TTC3: variants seen among roughly 807,000 people sequenced by gnomAD.
TTC3 encodes E3 ubiquitin-protein ligase TTC3.
In TTC3, 180 loss-of-function variants were observed where a neutral mutation model predicts 249.6. The observed-to-expected ratio is 0.72, with a 90% CI of 0.64 to 0.82. The LOEUF is 0.82. Ranked by LOEUF, TTC3 falls within the 40% of genes least tolerant of loss-of-function variation. The pLI is 0.00. For synonymous variants in TTC3, 717 were observed against 805.0 expected, an observed-to-expected ratio of 0.89 and a Z score of 1.85; for missense variants, 2,061 against 2,398.4, an observed-to-expected ratio of 0.86 and a Z score of 2.94.
At chr21:37,073,668 C>T (rs75566647) in intron 1 of TTC3, among the ~76,000 whole-genome samples, 195 bp downstream of exon 1, 19,717 of 152,012 alleles carry the variant, frequency 0.13, 1,404 homozygotes, top group Non-Finnish European at 0.15. Context: ...TCCCTTTGTG[C>T]GCAACCCCCC....
intron 23 of TTC3, among the ~76,000 whole-genome samples, chr21:37,149,386 G>T (rs1469625305): frequency 2.6e-5 from 4 of 151,968 alleles, no homozygotes; most frequent in Non-Finnish European, 5.9e-5. Flanking sequence ...CTCACATTTT[G>T]TACATTTTCA....
intron 40 of TTC3, among the ~76,000 whole-genome samples, chr21:37,191,665 G>A (rs1166692035): frequency 6.6e-6 from 1 of 152,038 alleles, no homozygotes; most frequent in Non-Finnish European, 1.5e-5. Flanking sequence ...TGCAACCTCC[G>A]CCTCCCAGGT....
At chr21:37,167,910 C>T (rs2081391727) in intron 34 of TTC3, among the ~76,000 whole-genome samples, 2 of 151,466 alleles carry the variant, frequency 1.3e-5, no homozygotes, top group South Asian at 2.1e-4. Flanking sequence ...TTTTGAGACA[C>T]GGTCTCACTG....
At chr21:37,105,045 G>A (rs2074940941) in intron 10 of TTC3, among the ~76,000 whole-genome samples, 1 of 152,182 alleles carries the variant, frequency 6.6e-6, no homozygotes. Context: ...GACCAGAGAG[G>A]TGGAACAAAG....
At chr21:37,138,763 T>G (rs368763899) in intron 19 of TTC3, 49 bp downstream of exon 19, 1 of 1,287,038 alleles carries the variant, frequency 7.8e-7, no homozygotes, top group African/African-American at 1.5e-5. Context: ...TATTGACATA[T>G]CTTATAAAAA....
In TTC3 at chr21:37,197,573, T is replaced by C. The variant is rs146011177; in HGVS notation, c.5583T>C (p.Thr1861=). ...CATCACTCACTCTCCCTTTCAGCAC[T>C]GAGCTTGCTGGTTTTATTAAAAAAG... The change falls in exon 43 of 46, where the codon ACT becomes ACC. Residue 1861 remains threonine (T), a synonymous_variant. Transcript: ENST00000355666. 2.5e-3 allele frequency: 3,981 copies of C among 1,611,946 alleles called. 6 individuals are homozygous for C. The highest frequency in any genetic ancestry group is 3.8e-3 in the Middle Eastern group (17 of 4,436).
At chr21:37,128,259 C>T (rs903990630) in intron 15 of TTC3, among the ~76,000 whole-genome samples, 1 of 152,196 alleles carries the variant, frequency 6.6e-6, no homozygotes, top group Non-Finnish European at 1.5e-5. Flanking sequence ...ACCAGTTCTT[C>T]TACACAGCTC....
At chr21:37,138,496 A>T (rs142010351) in intron 18 of TTC3, 138 bp from the exon 19 acceptor site, 86 of 604,292 alleles carry the variant, frequency 1.4e-4, no homozygotes, top group African/African-American at 1.3e-3. Flanking sequence ...AATCATATTG[A>T]TTAGTGAGAT....
chr21:37,123,060 A>G (rs200649752), intron 13 of TTC3, 32 bp downstream of exon 13: 456 of 1,606,928 alleles, frequency 2.8e-4, no homozygotes, highest in Non-Finnish European at 3.7e-4. Context: ...AGCTGCTACT[A>G]CTAGGAATGG....
At chr21:37,183,582 C>A (rs962462839) in intron 36 of TTC3, among the ~76,000 whole-genome samples, 1 of 152,142 alleles carries the variant, frequency 6.6e-6, no homozygotes, top group African/African-American at 2.4e-5. Context: ...CTGGGCCATT[C>A]TTCTGCTGGT....
chr21:37,137,928 G>A (rs2078102757), intron 18 of TTC3, among the ~76,000 whole-genome samples: 1 of 152,076 alleles, frequency 6.6e-6, no homozygotes. Flanking sequence ...GAAATACCCA[G>A]TGTAGATGAC....
Position 37,160,731 on chromosome 21 carries a change from A to G in TTC3, c.3040-71A>G, listed in dbSNP as rs1260005739. 3.3e-6 allele frequency: 5 copies of G among 1,506,998 alleles called. No homozygotes were observed. In the South Asian group the frequency reaches 4.7e-5, roughly 14 times the overall value. The allele number at this position is 1,506,998 out of a possible 1,614,324, so 93.4% of individuals were successfully genotyped here. Reference sequence around the variant, plus strand: ...TTATGGCTAGTCTGTAAAAACTCATATGGTTTCTTTATGTTGAGCTTCATA... The same window carrying G: ...TTATGGCTAGTCTGTAAAAACTCATGTGGTTTCTTTATGTTGAGCTTCATA... On this transcript the variant is annotated intron_variant, in intron 29 of 45. Transcript: ENST00000355666.
chr21:37,089,659 G>A (rs1017616163), intron 5 of TTC3, among the ~76,000 whole-genome samples: 19 of 151,936 alleles, frequency 1.3e-4, no homozygotes, highest in African/African-American at 4.6e-4. Context: ...GACTGTAGGC[G>A]CCTGCCACCA....
At chr21:37,144,735 A>G (rs1427742017) in intron 21 of TTC3, 90 bp downstream of exon 21, 4 of 1,469,494 alleles carry the variant, frequency 2.7e-6, no homozygotes, top group African/African-American at 1.4e-5. Flanking sequence ...AGGTAGGAGC[A>G]TTCCATCCCC....
chr21:37,153,113 G>A, exon 27 of TTC3: 1 of 1,613,810 alleles, frequency 6.2e-7, no homozygotes, highest in African/African-American at 1.3e-5. Context: ...TATACAACCT[G>A]TTTTTCTAGC....
At chr21:37,077,052 G>C (rs2070987307) in intron 1 of TTC3, among the ~76,000 whole-genome samples, 2 of 151,416 alleles carry the variant, frequency 1.3e-5, no homozygotes, top group Admixed American at 1.3e-4. Flanking sequence ...TTTTAATCCT[G>C]GCACTTCCCC....
intron 45 of TTC3, among the ~76,000 whole-genome samples, chr21:37,200,781 C>T (rs1303646859): frequency 6.6e-6 from 1 of 152,196 alleles, no homozygotes; most frequent in African/African-American, 2.4e-5. Flanking sequence ...TGTGTGTGAA[C>T]TATCATGGTG....
At position 37,085,126 on chromosome 21, in the gene TTC3, G is replaced by C. The variant is rs1170214437; in HGVS notation, c.-11-2121G>C. On this transcript the variant is annotated intron_variant, in intron 1 of 45. Coordinates refer to ENST00000355666, the Ensembl canonical transcript of TTC3. ...TTGAATGACCAGTATCAGTCTGCCA[G>C]GTATGAGCACATTAATTGTATTGTA... 2.6e-5 allele frequency among the ~76,000 whole-genome samples: 4 copies of C among 152,342 alleles called. No individual in the cohort carries two copies. In the East Asian group the frequency reaches 7.7e-4, roughly 29 times the overall value.
chr21:37,154,220 G>T (rs994544865), intron 27 of TTC3, among the ~76,000 whole-genome samples: 4 of 152,232 alleles, frequency 2.6e-5, no homozygotes, highest in Non-Finnish European at 5.9e-5. Flanking sequence ...CGGGAAAAAG[G>T]CAGGGCCTTT....
Sources: allele counts gnomAD v4.1 joint callset (sites outside exome capture counted in the v4.1 genomes callset), GRCh38; gene constraint gnomAD v4.1.1; transcripts MANE v1.5; gene names NCBI Gene and HGNC (gene_info 2026-07-23, HGNC 2026-07-21).